HDAC8: variants seen among roughly 807,000 people sequenced by gnomAD.
The protein encoded by HDAC8 is histone deacetylase 8.
In HDAC8, 1 loss-of-function variant was observed where a neutral mutation model predicts 32.2. The observed-to-expected ratio is 0.03, with a 90% confidence interval of 0.01 to 0.15. The LOEUF is 0.15. HDAC8 is among the 10% of genes least tolerant of loss of function. HDAC8 has a pLI of 1.00. For missense variants in HDAC8, 117 were observed against 300.0 expected (o/e 0.39, Z 4.51); for synonymous variants, 108 against 113.9 (o/e 0.95, Z 0.33).
At chrX:72,339,342 C>T (rs879986495) in intron 10 of HDAC8, among the ~76,000 whole-genome samples, 3 of 112,412 alleles carry the variant, frequency 2.7e-5, no homozygotes, top group Admixed American at 1.9e-4. Context: ...CAGTTCTTGC[C>T]GTGAAGGAGT....
intron 4 of HDAC8, among the ~76,000 whole-genome samples, chrX:72,562,958 C>T (rs1000773143): frequency 4.7e-5 from 5 of 107,147 alleles, no homozygotes; most frequent in African/African-American, 1.4e-4. Context: ...CTCGGCTCTC[C>T]GCAACCTCTG....
chrX:72,441,313 C>T (rs949952387), intron 9 of HDAC8, among the ~76,000 whole-genome samples: 3 of 111,981 alleles, frequency 2.7e-5, no homozygotes, highest in Admixed American at 9.4e-5. Flanking sequence ...ACACCTCACA[C>T]GGCCGGGTAC....
At chrX:72,528,668 C>T (rs1556033997) in intron 4 of HDAC8, among the ~76,000 whole-genome samples, 1 of 111,054 alleles carries the variant, frequency 9.0e-6, no homozygotes, top group East Asian at 2.8e-4. Flanking sequence ...AGGAAGCATC[C>T]TTATTAACCT....
intron 4 of HDAC8, among the ~76,000 whole-genome samples, chrX:72,509,453 T>C (rs1556020827): frequency 8.9e-6 from 1 of 112,073 alleles, no homozygotes; most frequent in South Asian, 3.7e-4. Context: ...TTGTTAACTA[T>C]AGGTGCTATG....
intron 9 of HDAC8, among the ~76,000 whole-genome samples, chrX:72,429,015 CTTTCTTTCTTTTTT>C (rs1569290644): frequency 1.1e-5 from 1 of 94,270 alleles, no homozygotes; most frequent in African/African-American, 3.8e-5. Context: ...TCCTTTCTTT[CTTTCTTTCTTTTTT>C]TTTTTTTGCT....
intron 8 of HDAC8, among the ~76,000 whole-genome samples, chrX:72,462,722 C>T (rs782209593): frequency 9.0e-6 from 1 of 111,231 alleles, no homozygotes; most frequent in African/African-American, 3.3e-5. Flanking sequence ...CACAGTCACC[C>T]AACGGCCATA....
intron 10 of HDAC8, among the ~76,000 whole-genome samples, chrX:72,348,447 T>C (rs1555947726): frequency 8.9e-6 from 1 of 112,536 alleles, no homozygotes; most frequent in Non-Finnish European, 1.9e-5. Context: ...GGCAACGCAC[T>C]ATCTGATGGC....
chrX:72,342,248 C>CTT (rs2043907006), intron 10 of HDAC8, among the ~76,000 whole-genome samples: 1 of 112,763 alleles, frequency 8.9e-6, no homozygotes, highest in Non-Finnish European at 1.9e-5. Context: ...CATGACCCGA[C>CTT]CATGGCTTGG....
At chrX:72,384,998 A>G (rs150321563) in intron 9 of HDAC8, among the ~76,000 whole-genome samples, 1,483 of 112,201 alleles carry the variant, frequency 0.013, 28 homozygotes, top group African/African-American at 0.045. Context: ...AACTTTTACA[A>G]AGCTATTTCT....
chrX:72,562,848 C>A (rs1400260803), intron 4 of HDAC8, among the ~76,000 whole-genome samples: 1 of 109,180 alleles, frequency 9.2e-6, no homozygotes, highest in African/African-American at 3.3e-5. Flanking sequence ...GCTGTGATTA[C>A]AATGTGCATA....
chrX:72,485,592 GA>G (rs782709700), intron 7 of HDAC8, among the ~76,000 whole-genome samples: 87 of 107,642 alleles, frequency 8.1e-4, no homozygotes, highest in Non-Finnish European at 1.5e-3. Flanking sequence ...AACAAAGGAA[GA>G]AAAGGAAGGA....
At chrX:72,564,317 T>C in intron 4 of HDAC8, among the ~76,000 whole-genome samples, 2 of 112,489 alleles carry the variant, frequency 1.8e-5, no homozygotes, top group Middle Eastern at 9.2e-3. Context: ...ATTGTAGGAG[T>C]GGGTTAGATA....
intron 6 of HDAC8, 120 bp downstream of exon 6, chrX:72,490,808 AT>A: frequency 2.0e-6 from 1 of 492,649 alleles, no homozygotes; most frequent in Middle Eastern, 3.7e-4. Flanking sequence ...AAAAAAAAAA[AT>A]TTTGCATAGG....
chrX:72,375,938 T>A (rs1007531642), intron 9 of HDAC8, among the ~76,000 whole-genome samples: 5 of 112,394 alleles, frequency 4.4e-5, no homozygotes, highest in African/African-American at 1.6e-4. Context: ...TCAATCTATT[T>A]TACTTGGTTT....
At chrX:72,547,239 A>G (rs1336802780) in intron 4 of HDAC8, among the ~76,000 whole-genome samples, 5 of 110,945 alleles carry the variant, frequency 4.5e-5, no homozygotes, top group Admixed American at 9.7e-5. Context: ...TTTGTGGTAC[A>G]TTAAACTGTT....
At chrX:72,560,565 T>TAAAAA (rs147846647) in intron 4 of HDAC8, among the ~76,000 whole-genome samples, 400 of 35,006 alleles carry the variant, frequency 0.011, no homozygotes, top group Non-Finnish European at 0.016. Flanking sequence ...CAATAAATAC[T>TAAAAA]AAAAAAAAAA....
intron 4 of HDAC8, 24 bp from the exon 5 acceptor site, chrX:72,495,292 G>T: frequency 9.4e-7 from 1 of 1,065,942 alleles, no homozygotes; most frequent in Non-Finnish European, 1.3e-6. Flanking sequence ...AGTTGCTACA[G>T]CCAACAGCCA....
At chrX:72,457,488 A>G (rs928411654) in intron 9 of HDAC8, among the ~76,000 whole-genome samples, 1 of 112,876 alleles carries the variant, frequency 8.9e-6, no homozygotes, top group East Asian at 2.8e-4. Context: ...ACTAGAGCTA[A>G]TAAGTAAATT....
intron 4 of HDAC8, among the ~76,000 whole-genome samples, chrX:72,527,446 T>C (rs1171575149): frequency 9.0e-6 from 1 of 111,658 alleles, no homozygotes; most frequent in African/African-American, 3.3e-5. Flanking sequence ...TACATTACGG[T>C]AGAATGCTAG....
Sources: allele counts gnomAD v4.1 joint callset (sites outside exome capture counted in the v4.1 genomes callset), GRCh38; gene constraint gnomAD v4.1.1; transcripts MANE v1.5; gene names NCBI Gene and HGNC (gene_info 2026-07-23, HGNC 2026-07-21).